Variants in PHLPP2 observed in about 807,000 individuals in gnomAD.
PHLPP2 encodes PH domain and leucine rich repeat protein phosphatase 2.
Under a neutral mutation model 124.9 loss-of-function variants are expected in PHLPP2, and 66 were observed. The ratio of observed to expected loss-of-function variants is 0.53; its 90% CI spans 0.43 to 0.65. PHLPP2 has a LOEUF of 0.65. PHLPP2 is among the 30% of genes least tolerant of loss of function. The pLI is 0.00. For missense variants in PHLPP2, 1,685 were observed against 1,600.4 expected, an observed-to-expected ratio of 1.05 and a Z score of -0.90; for synonymous variants, 681 against 624.7, an observed-to-expected ratio of 1.09 and a Z score of -1.34.
At chr16:71,661,003 C>T (rs538565853) in intron 13 of PHLPP2, among the ~76,000 whole-genome samples, 1 of 151,374 alleles carries the variant, frequency 6.6e-6, no homozygotes, top group East Asian at 1.9e-4. Flanking sequence ...TCCTGAATTC[C>T]ATTCAGTTTT....
In PHLPP2 at chr16:71,647,366, TAGTA is replaced by T. The variant is rs2044660929; in HGVS notation, c.*1520_*1523del. The T allele has an allele frequency of 6.6e-6, 1 of 152,526 alleles. No homozygotes were observed. The highest frequency in any genetic ancestry group is 1.5e-5 in the Non-Finnish European group (1 of 68,006). The allele number at this position is 152,526 out of a possible 1,614,324, so 9.4% of individuals were successfully genotyped here. On this transcript the variant is annotated 3_prime_UTR_variant, in exon 19 of 19. Transcript: ENST00000568954. ...TCTCAATGAAGTGTCTTTCTTATGT[TAGTA>T]TTGAGCCCAGTATTCTGAAACCACA... is the stretch of plus-strand genomic sequence containing the variant.
chr16:71,671,728 T>C (rs4788825), intron 10 of PHLPP2, among the ~76,000 whole-genome samples: 133,025 of 151,872 alleles, frequency 0.88, 58,429 homozygotes, highest in East Asian at 0.99. Flanking sequence ...TCCTGGCTAA[T>C]GCAGTGAAAC....
Position 71,655,403 on chromosome 16 carries a change from A to C in PHLPP2, c.2422T>G (p.Phe808Val). ...LCVSALAMDS[F>V]AEGVGAVYGM... ...TACACAGCTCCCACCCCCTCTGCAA[A>C]GCTATCCATAGCAAGTGCTGAGACA... Residue 808 changes from phenylalanine to valine, a missense_variant, in exon 17 of 19, where the codon TTT (phenylalanine) becomes GTT (valine). Phe to Val is a conservative substitution (Grantham distance 50, BLOSUM62 -1). Coordinates refer to ENST00000568954, the MANE Select transcript of PHLPP2 (RefSeq NM_015020.3). 2 of 1,614,124 alleles carry C rather than the reference A, an allele frequency of 1.2e-6. No individual in the cohort carries two copies. Among genetic ancestry groups the C allele is most frequent in the Non-Finnish European group, 1.7e-6 (2 of 1,179,964 alleles).
Position 71,681,808 on chromosome 16 carries a change from T to C in PHLPP2, c.833A>G (p.Asn278Ser), listed in dbSNP as rs775586595. ...LFYSQDITYLNLRHNFMQLER... is the reference protein window; with the variant it reads ...LFYSQDITYLSLRHNFMQLER... The stretch of plus-strand genomic sequence containing the variant: ...TAACTGCATGAAGTTGTGTCGCAAG[T>C]TGAGGTAGGTAATATCTTGACTATA... The change falls in exon 6 of 19, where the codon AAC (asparagine) becomes AGC (serine). Residue 278 changes from asparagine (N) to serine (S), a missense_variant. Coordinates refer to ENST00000568954, the MANE Select transcript of PHLPP2 (RefSeq NM_015020.3). 5.6e-6 allele frequency: 9 copies of C among 1,614,050 alleles called. No individual in the cohort carries two copies. In the Admixed American group the frequency reaches 1.5e-4, roughly 27 times the overall value.
In PHLPP2 at chr16:71,684,458, C is replaced by T. The variant is rs1229062228; in HGVS notation, c.735+18G>A. 7 of 1,613,204 alleles carry T rather than the reference C, an allele frequency of 4.3e-6. No individual in the cohort carries two copies. Among genetic ancestry groups the T allele is most frequent in the African/African-American group, 1.3e-5 (1 of 74,886 alleles). The stretch of plus-strand genomic sequence containing the variant: ...CTCTATTCTTATCTCCACATCAGAA[C>T]ATCCCATTACTTTTCACCTTGGATG... On this transcript the variant is annotated intron_variant, in intron 5 of 18. Coordinates refer to ENST00000568954, the MANE Select transcript of PHLPP2 (RefSeq NM_015020.3).
chr16:71,697,660 G>T (rs572085047), intron 3 of PHLPP2, among the ~76,000 whole-genome samples: 1 of 152,096 alleles, frequency 6.6e-6, no homozygotes, highest in African/African-American at 2.4e-5. Context: ...TAAACAATAT[G>T]TGCAGAGAAT....
In PHLPP2 at chr16:71,676,598, GTGTT is replaced by G; in HGVS notation, c.1316_1319del (p.Lys439ThrfsTer12). 1 of 1,613,942 alleles carries G rather than the reference GTGTT, an allele frequency of 6.2e-7. No homozygotes were observed. Among genetic ancestry groups the G allele is most frequent in the Non-Finnish European group, 8.5e-7 (1 of 1,179,780 alleles). On this transcript the variant is annotated frameshift_variant, in exon 9 of 19. Transcript: ENST00000568954. LOFTEE classifies it high-confidence loss of function. ...TGTCCCGCAGATCCACGTGGGTGAT[GTGTT>G]TATTTCCCTCCAGATTTTCAATAAC...
chr16:71,703,302 A>G (rs567060095), intron 2 of PHLPP2, among the ~76,000 whole-genome samples: 2 of 152,296 alleles, frequency 1.3e-5, no homozygotes, highest in East Asian at 3.9e-4. Flanking sequence ...TACATGTGTT[A>G]TATCTATTGA....
intron 2 of PHLPP2, among the ~76,000 whole-genome samples, chr16:71,709,095 GA>G (rs1423699950): frequency 1.3e-5 from 2 of 151,872 alleles, no homozygotes; most frequent in Admixed American, 1.3e-4. Context: ...TCAAAATAAA[GA>G]AAATTATTTA....
At chr16:71,683,498 C>T (rs2045023322) in intron 5 of PHLPP2, among the ~76,000 whole-genome samples, 1 of 152,196 alleles carries the variant, frequency 6.6e-6, no homozygotes, top group African/African-American at 2.4e-5. Context: ...ATCCATCTAT[C>T]ACTGACTATT....
intron 1 of PHLPP2, among the ~76,000 whole-genome samples, chr16:71,716,432 G>A (rs758174072): frequency 5.9e-5 from 9 of 152,164 alleles, no homozygotes; most frequent in South Asian, 2.1e-4. Context: ...ATTTAGGTAT[G>A]TGAAATTCAT....
rs1321108172 is a variant in PHLPP2 at position 71,647,824 on chromosome 16, A to C, written c.*1066T>G. On this transcript the variant is annotated 3_prime_UTR_variant, in exon 19 of 19. Transcript: ENST00000568954. ...CCCAAAAGAAGATCCTATTACCCCA[A>C]GTTTCTCAGGAGCTTTCACAGTCTG... The C allele has an allele frequency of 1.3e-5, 2 of 152,422 alleles. No individual in the cohort carries two copies. The highest frequency in any genetic ancestry group is 2.9e-5 in the Non-Finnish European group (2 of 68,094). 9.4% of individuals were successfully genotyped at this position (152,422 alleles called of 1,614,324 possible).
chr16:71,696,736 T>C (rs1345528828), intron 3 of PHLPP2, among the ~76,000 whole-genome samples: 2 of 152,296 alleles, frequency 1.3e-5, no homozygotes, highest in African/African-American at 4.8e-5. Flanking sequence ...AATAATTTCC[T>C]TGCTCTCTTT....
intron 2 of PHLPP2, among the ~76,000 whole-genome samples, chr16:71,713,945 CTT>C (rs35131351): frequency 2.1e-5 from 3 of 140,298 alleles, no homozygotes; most frequent in Non-Finnish European, 4.7e-5. Flanking sequence ...AACAACTTTT[CTT>C]TTTTTTTTTT....
intron 18 of PHLPP2, among the ~76,000 whole-genome samples, chr16:71,651,424 C>T (rs8056823): frequency 0.49 from 74,725 of 151,406 alleles, 18,674 homozygotes; most frequent in Middle Eastern, 0.64. Context: ...TGAAGCCAGG[C>T]GCAGTGGCAT....
chr16:71,714,658 G>A lies in PHLPP2; in HGVS notation c.138C>T (p.Thr46=). The A allele has an allele frequency of 6.2e-7, 1 of 1,613,154 alleles. No individual in the cohort carries two copies. The highest frequency in any genetic ancestry group is 8.5e-7 in the Non-Finnish European group (1 of 1,179,228). The change falls in exon 2 of 19, where the codon ACC becomes ACT. Residue 46 remains threonine, a synonymous_variant. Coordinates refer to ENST00000568954, the MANE Select transcript of PHLPP2 (RefSeq NM_015020.3). ...YGADTTTATT[T]TTTSSSSSSS... ...AGGAAGAGGAAGAGGAGGTGGTGGTGGTTGTAGTGGCAGTGGTAGTGTCTG... is the reference window on the plus strand; with the variant it reads ...AGGAAGAGGAAGAGGAGGTGGTGGTAGTTGTAGTGGCAGTGGTAGTGTCTG...
chr16:71,707,326 T>C (rs1597015978), intron 2 of PHLPP2, among the ~76,000 whole-genome samples: 2 of 152,294 alleles, frequency 1.3e-5, no homozygotes. Context: ...CTGGTTCCTG[T>C]GAGGAGACTC....
intron 13 of PHLPP2, among the ~76,000 whole-genome samples, chr16:71,663,390 C>A (rs1390714715): frequency 3.9e-5 from 6 of 152,190 alleles, no homozygotes; most frequent in Non-Finnish European, 4.4e-5. Context: ...GGATTACAGG[C>A]GTGAGCCACC....
At chr16:71,668,365 G>A (rs924464944) in intron 11 of PHLPP2, among the ~76,000 whole-genome samples, 4 of 134,234 alleles carry the variant, frequency 3.0e-5, no homozygotes, top group East Asian at 4.7e-4. Context: ...GCAGTGAGCC[G>A]AGATCGCGCC....
Sources: gnomAD v4.1 joint callset for allele counts (sites outside exome capture counted in the v4.1 genomes callset) on GRCh38, gnomAD v4.1.1 for gene constraint, MANE v1.5 for transcripts, NCBI Gene and HGNC (gene_info 2026-07-23, HGNC 2026-07-21) for gene names.